The following GRID2 variants were observed in gnomAD, a reference collection of about 807,000 sequenced individuals.
The protein encoded by GRID2 is glutamate ionotropic receptor delta type subunit 2.
GRID2 carries 33 observed loss-of-function variants against 114.8 expected under a neutral mutation model. That is an observed-to-expected ratio of 0.29 (90% CI 0.22 to 0.38). The LOEUF (loss-of-function observed/expected upper bound fraction) is 0.38. Ranked by LOEUF, GRID2 falls within the 10% of genes least tolerant of loss-of-function variation. The pLI, the probability that GRID2 is intolerant of heterozygous loss-of-function variation, is 1.00. For synonymous variants in GRID2, 505 were observed against 449.9 expected (o/e 1.12, Z -1.55); for missense variants, 1,184 against 1,257.7 (o/e 0.94, Z 0.89).
chr4:93,809,109 A>T (rs1249909477), exon 2 of GRID2: 3 of 152,166 alleles, frequency 2.0e-5, no homozygotes, highest in Non-Finnish European at 2.9e-5. Context: ...CTGGCTTTAA[A>T]ATCCCATATG....
chr4:93,798,658 G>A (rs757417329), intron 1 of GRID2, among the ~76,000 whole-genome samples: 27 of 152,208 alleles, frequency 1.8e-4, no homozygotes, highest in Non-Finnish European at 2.9e-4. Flanking sequence ...CTAAGAAGCA[G>A]AAGTGCTCTT....
intron 11 of GRID2, among the ~76,000 whole-genome samples, chr4:93,457,953 G>T (rs184627787): frequency 0.24 from 36,670 of 152,074 alleles, 5,417 homozygotes; most frequent in Non-Finnish European, 0.34. Flanking sequence ...GCACAGAAGA[G>T]ACATCTGGAC....
intron 8 of GRID2, among the ~76,000 whole-genome samples, chr4:93,381,855 A>G (rs6831478): frequency 0.68 from 103,098 of 152,018 alleles, 35,659 homozygotes; most frequent in African/African-American, 0.82. Context: ...TTATTTCTTC[A>G]TATATGACTT....
chr4:92,907,743 G>A (rs1315104642), intron 2 of GRID2, among the ~76,000 whole-genome samples: 2 of 152,058 alleles, frequency 1.3e-5, no homozygotes, highest in Non-Finnish European at 2.9e-5. Context: ...TAAATTTTCA[G>A]CTGGGCACGG....
At chr4:92,305,783 C>T (rs1467529357) in intron 1 of GRID2, among the ~76,000 whole-genome samples, 2 of 152,198 alleles carry the variant, frequency 1.3e-5, no homozygotes, top group Non-Finnish European at 1.5e-5. Context: ...TCCGTGAGAG[C>T]TGAGCGGGAG....
intron 2 of GRID2, among the ~76,000 whole-genome samples, chr4:92,596,959 C>T (rs113363978): frequency 7.9e-5 from 12 of 152,048 alleles, no homozygotes; most frequent in African/African-American, 2.4e-4. Context: ...AAAAGCATGC[C>T]GTTCCCCTCT....
chr4:93,316,315 A>AGAAAGAAG (rs1756617619), intron 8 of GRID2, among the ~76,000 whole-genome samples: 1 of 80,286 alleles, frequency 1.2e-5, no homozygotes. Flanking sequence ...AAAGAAAGAA[A>AGAAAGAAG]GAAAGAAAGA....
chr4:92,700,993 CAAA>C (rs781142253), intron 2 of GRID2, among the ~76,000 whole-genome samples: 3 of 83,842 alleles, frequency 3.6e-5, no homozygotes, highest in African/African-American at 4.9e-5. Context: ...GACTCCATCT[CAAA>C]AAAAAAAAAA....
intron 1 of GRID2, among the ~76,000 whole-genome samples, chr4:93,792,825 T>C (rs1365911410): frequency 1.3e-5 from 2 of 152,146 alleles, no homozygotes; most frequent in Non-Finnish European, 2.9e-5. Context: ...GTTGTTCTGA[T>C]TGATGATGGA....
intron 13 of GRID2, among the ~76,000 whole-genome samples, chr4:93,588,557 A>G (rs1403643983): frequency 6.6e-6 from 1 of 152,114 alleles, no homozygotes; most frequent in Non-Finnish European, 1.5e-5. Flanking sequence ...AAATCTCAGT[A>G]TTATTGTCTA....
chr4:93,504,042 A>T (rs1728393597), intron 12 of GRID2, among the ~76,000 whole-genome samples: 1 of 152,046 alleles, frequency 6.6e-6, no homozygotes, highest in Non-Finnish European at 1.5e-5. Context: ...GTAATGTTTC[A>T]CTGGGTCTTT....
intron 2 of GRID2, among the ~76,000 whole-genome samples, chr4:93,074,662 A>G (rs959174744): frequency 6.6e-6 from 1 of 152,178 alleles, no homozygotes; most frequent in African/African-American, 2.4e-5. Flanking sequence ...AATCAATGAG[A>G]TAGAGAACAG....
Position 93,108,820 on chromosome 4 carries a change from G to A in GRID2, c.530-1928G>A, listed in dbSNP as rs931625443. ...TAATTTTCGTATTTTTAGTAGAGAT[G>A]GGGTTTCACCATATTGGCCAGGCTG... On this transcript the variant is annotated intron_variant, in intron 3 of 15. Coordinates refer to ENST00000282020, the MANE Select transcript of GRID2 (RefSeq NM_001510.4). Among the ~76,000 whole-genome samples, 51 of 151,910 alleles carry A rather than the reference G, an allele frequency of 3.4e-4. No individual in the cohort carries two copies. The South Asian group carries it at 4.0e-3, about 12-fold the overall frequency.
intron 8 of GRID2, among the ~76,000 whole-genome samples, chr4:93,240,404 T>G (rs1483191781): frequency 6.6e-6 from 1 of 151,594 alleles, no homozygotes; most frequent in African/African-American, 2.4e-5. Context: ...TTCCTACATA[T>G]TTAGGCTCTT....
At chr4:92,943,942 G>C (rs377248631) in intron 2 of GRID2, among the ~76,000 whole-genome samples, 4 of 152,170 alleles carry the variant, frequency 2.6e-5, no homozygotes, top group African/African-American at 7.2e-5. Flanking sequence ...TGTTCCTCTG[G>C]AAGTTTTGTC....
intron 1 of GRID2, among the ~76,000 whole-genome samples, chr4:93,783,147 G>A (rs1447552716): frequency 6.6e-6 from 1 of 152,238 alleles, no homozygotes; most frequent in Non-Finnish European, 1.5e-5. Context: ...CTGCTGCAAT[G>A]TTTGTCCTCG....
Position 92,701,623 on chromosome 4 carries a change from C to T in GRID2, c.244+111337C>T, listed in dbSNP as rs144138060. Among the ~76,000 whole-genome samples the T allele has an allele frequency of 1.4e-3, 215 of 151,918 alleles. 2 individuals are homozygous for T. Among genetic ancestry groups the T allele is most frequent in the African/African-American group, 4.8e-3 (199 of 41,404 alleles). ...TGTGTGATGTTAACATTTCCACCGA[C>T]AAATGAAACAAGTTTGTCAATAAAT... On this transcript the variant is annotated intron_variant, in intron 2 of 15. Coordinates refer to ENST00000282020, the MANE Select transcript of GRID2 (RefSeq NM_001510.4).
intron 8 of GRID2, among the ~76,000 whole-genome samples, chr4:93,257,787 G>A (rs1261649529): frequency 4.0e-5 from 6 of 151,010 alleles, no homozygotes; most frequent in Admixed American, 3.3e-4. Flanking sequence ...GCCCTACTTG[G>A]TAATATCTAT....
At chr4:93,319,991 T>C (rs536988085) in intron 8 of GRID2, among the ~76,000 whole-genome samples, 3 of 152,254 alleles carry the variant, frequency 2.0e-5, no homozygotes, top group Admixed American at 6.5e-5. Context: ...GGTATTGTTA[T>C]AAGCTGCTAA....
Sources: gnomAD v4.1 joint callset for allele counts (sites outside exome capture counted in the v4.1 genomes callset) on GRCh38, gnomAD v4.1.1 for gene constraint, MANE v1.5 for transcripts, NCBI Gene and HGNC (gene_info 2026-07-23, HGNC 2026-07-21) for gene names.